Variants in FAM78B observed in about 807,000 individuals in gnomAD.
FAM78B encodes family with sequence similarity 78 member B.
FAM78B carries 10 observed loss-of-function variants against 20.0 expected under a neutral mutation model. That is an observed-to-expected ratio of 0.50 (90% confidence interval 0.31 to 0.85). FAM78B has a LOEUF of 0.85. Ranked by LOEUF, FAM78B falls within the 40% of genes least tolerant of loss-of-function variation. The pLI, the probability that FAM78B is intolerant of heterozygous loss-of-function variation, is 0.05. For missense variants in FAM78B, 283 were observed against 345.0 expected, an observed-to-expected ratio of 0.82 and a Z score of 1.42; for synonymous variants, 135 against 132.8, an observed-to-expected ratio of 1.02 and a Z score of -0.12.
chr1:166,165,885 G>T, intron 1 of FAM78B, 101 bp downstream of exon 1: 2 of 1,390,588 alleles, frequency 1.4e-6, no homozygotes, highest in Non-Finnish European at 1.0e-6. Flanking sequence ...TTAGAAAGAC[G>T]ATGGGGACAG....
intron 1 of FAM78B, among the ~76,000 whole-genome samples, chr1:166,156,076 A>C (rs1655881443): frequency 6.6e-6 from 1 of 152,210 alleles, no homozygotes; most frequent in Non-Finnish European, 1.5e-5. Context: ...ACAGCCTCTG[A>C]GAGCCTGTGC....
chr1:166,152,963 C>A (rs762430913), intron 1 of FAM78B, among the ~76,000 whole-genome samples: 2 of 152,082 alleles, frequency 1.3e-5, no homozygotes, highest in Non-Finnish European at 2.9e-5. Flanking sequence ...GGCGTGAGTG[C>A]GCCCAGCTGG....
At chr1:166,103,448 G>T (rs923826247) in intron 1 of FAM78B, among the ~76,000 whole-genome samples, 2 of 152,056 alleles carry the variant, frequency 1.3e-5, no homozygotes, top group Non-Finnish European at 2.9e-5. Flanking sequence ...AAAATTAATA[G>T]ACGTTAGCAA....
At chr1:166,068,207 G>C (rs781385656), downstream of FAM78B, among the ~76,000 whole-genome samples, 4 of 152,140 alleles carry the variant, frequency 2.6e-5, no homozygotes, top group Non-Finnish European at 4.4e-5. Context: ...AATTCAGTCT[G>C]GGGGAGAGAG....
At chr1:166,095,281 G>GC (rs1162959409) in intron 1 of FAM78B, among the ~76,000 whole-genome samples, 1 of 152,030 alleles carries the variant, frequency 6.6e-6, no homozygotes, top group Non-Finnish European at 1.5e-5. Context: ...CAGCAGCCCC[G>GC]CAAGAGCAGC....
chr1:166,085,902 T>C (rs1652807666), intron 1 of FAM78B, among the ~76,000 whole-genome samples: 1 of 152,096 alleles, frequency 6.6e-6, no homozygotes, highest in Non-Finnish European at 1.5e-5. Context: ...CAGCAAAACA[T>C]CTGTGGTGAC....
rs1387174640 is a variant in FAM78B at position 166,109,858 on chromosome 1, ATATG to A, written c.264-39099_264-39096del. On this transcript the variant is annotated intron_variant, in intron 1 of 1. Transcript: ENST00000354422. ...TATATATGTATATATATATATATATATATGTATGTGTATATATATATATGTATAT... is the reference window on the plus strand; with the variant it reads ...TATATATGTATATATATATATATATATATGTGTATATATATATATGTATAT... 6.1e-4 allele frequency among the ~76,000 whole-genome samples: 17 copies of A among 28,088 alleles called. 2 individuals are homozygous for A. The highest frequency in any genetic ancestry group is 1.8e-3 in the Admixed American group (4 of 2,266). The allele number at this position is 28,088 out of a possible 152,430, so 18.4% of individuals were successfully genotyped here.
At chr1:166,070,884 G>T in intron 1 of FAM78B, 121 bp from the exon 2 acceptor site, 1 of 1,041,712 alleles carries the variant, frequency 9.6e-7, no homozygotes, top group Non-Finnish European at 1.3e-6. Context: ...TTCACAGGGG[G>T]AATTCAGGGC....
At chr1:166,162,906 C>T (rs1156406550) in intron 1 of FAM78B, among the ~76,000 whole-genome samples, 1 of 152,158 alleles carries the variant, frequency 6.6e-6, no homozygotes, top group Non-Finnish European at 1.5e-5. Context: ...TCCTTGCCTA[C>T]CTGAATATTA....
chr1:166,162,758 A>G (rs965964763), intron 1 of FAM78B, among the ~76,000 whole-genome samples: 1 of 152,116 alleles, frequency 6.6e-6, no homozygotes, highest in African/African-American at 2.4e-5. Context: ...ACAGACCCCA[A>G]GCTACCTTTC....
intron 1 of FAM78B, among the ~76,000 whole-genome samples, chr1:166,121,948 A>G (rs1425442801): frequency 1.3e-5 from 2 of 151,958 alleles, no homozygotes; most frequent in Non-Finnish European, 2.9e-5. Flanking sequence ...CCTGAAGGCA[A>G]CTCCCAACCA....
intron 1 of FAM78B, among the ~76,000 whole-genome samples, chr1:166,088,368 T>G (rs1293606812): frequency 2.0e-5 from 3 of 152,138 alleles, no homozygotes; most frequent in Admixed American, 1.3e-4. Flanking sequence ...CTCCATGTTC[T>G]CCTCACTCCC....
chr1:166,094,003 C>CTGTGCGTGTGTG (rs546167952), intron 1 of FAM78B, among the ~76,000 whole-genome samples: 13 of 125,520 alleles, frequency 1.0e-4, no homozygotes, highest in Admixed American at 8.0e-5. Flanking sequence ...TTGCGAATGA[C>CTGTGCGTGTGTG]TGTGTGTGTG....
At chr1:166,073,494 TTCCC>T (rs2101712725) in intron 1 of FAM78B, among the ~76,000 whole-genome samples, 1 of 148,352 alleles carries the variant, frequency 6.7e-6, no homozygotes, top group South Asian at 2.1e-4. Flanking sequence ...CCTTCCCTTC[TTCCC>T]TCTCTCTATC....
intron 1 of FAM78B, among the ~76,000 whole-genome samples, chr1:166,084,217 ACACACACACACACACACACACTCTCTCT>A (rs1652702285): frequency 7.7e-6 from 1 of 130,046 alleles, no homozygotes; most frequent in African/African-American, 2.9e-5. Flanking sequence ...ACACACACAC[ACACACACACACACACACACACTCTCTCT>A]CTCTCTCTCT....
intron 2 of FAM78B, among the ~76,000 whole-genome samples, chr1:166,063,336 T>C (rs1651678813): frequency 6.6e-6 from 1 of 151,624 alleles, no homozygotes; most frequent in Non-Finnish European, 1.5e-5. Context: ...GAGGAGTGAG[T>C]TGGAGGTGGG....
intron 1 of FAM78B, among the ~76,000 whole-genome samples, chr1:166,159,745 T>C (rs558152607): frequency 6.6e-6 from 1 of 152,300 alleles, no homozygotes; most frequent in East Asian, 1.9e-4. Context: ...CCCATTTGTT[T>C]CTCCCCCTCT....
Position 166,121,589 on chromosome 1 carries a change from C to A in FAM78B, c.263+44397G>T, listed in dbSNP as rs118009894. 1.2e-3 allele frequency among the ~76,000 whole-genome samples: 185 copies of A among 152,286 alleles called. 4 individuals are homozygous for A. The East Asian group carries it at 0.032, about 27-fold the overall frequency. On this transcript the variant is annotated intron_variant, in intron 1 of 1. Coordinates refer to ENST00000354422, the MANE Select transcript of FAM78B (RefSeq NM_001017961.5). The stretch of plus-strand genomic sequence containing the variant: ...GCCCTCTAAAGCATGGGTCCCAGGG[C>A]AAGGGGCTCTGAGTGGTAATGACCT...
intron 1 of FAM78B, among the ~76,000 whole-genome samples, chr1:166,105,694 A>G (rs1027037825): frequency 1.3e-5 from 2 of 152,144 alleles, no homozygotes; most frequent in African/African-American, 4.8e-5. Context: ...ATCATTAAAA[A>G]GTCAGGAAAC....
Sources: allele counts gnomAD v4.1 joint callset (sites outside exome capture counted in the v4.1 genomes callset), GRCh38; gene constraint gnomAD v4.1.1; transcripts MANE v1.5; gene names NCBI Gene and HGNC (gene_info 2026-07-23, HGNC 2026-07-21).